GSE1: variants seen among roughly 807,000 people sequenced by gnomAD.
GSE1 encodes genetic suppressor element 1.
GSE1 carries 32 observed loss-of-function variants against 112.6 expected under a neutral mutation model. The ratio of observed to expected loss-of-function variants is 0.28; its 90% CI spans 0.21 to 0.38. GSE1 has a LOEUF of 0.38. Ranked by LOEUF, GSE1 falls within the 10% of genes least tolerant of loss-of-function variation. GSE1 has a pLI of 1.00. For missense variants in GSE1, 2,348 were observed against 1,699.2 expected, an observed-to-expected ratio of 1.38 and a Z score of -6.71; for synonymous variants, 1,115 against 735.6, an observed-to-expected ratio of 1.52 and a Z score of -8.35.
chr16:85,246,172 C>G (rs76895735), intron 1 of GSE1, among the ~76,000 whole-genome samples: 11,427 of 147,658 alleles, frequency 0.077, 599 homozygotes, highest in Non-Finnish European at 0.12. Context: ...GGAGGCCCTA[C>G]TGCAGGATGC....
At chr16:85,519,930 C>G (rs1048275428) in intron 2 of GSE1, among the ~76,000 whole-genome samples, 2 of 152,088 alleles carry the variant, frequency 1.3e-5, no homozygotes, top group Non-Finnish European at 2.9e-5. Context: ...CTCATGCCCT[C>G]TATACTTGGG....
At chr16:85,603,439 A>T (rs1024998526) in intron 1 of GSE1, among the ~76,000 whole-genome samples, 5 of 152,202 alleles carry the variant, frequency 3.3e-5, no homozygotes, top group Non-Finnish European at 7.3e-5. Context: ...GCTTCTCTGG[A>T]AACTACAGGC....
chr16:85,499,529 A>G (rs2051294892), intron 2 of GSE1, among the ~76,000 whole-genome samples: 1 of 151,558 alleles, frequency 6.6e-6, no homozygotes, highest in East Asian at 1.9e-4. Context: ...GATGGTCTCG[A>G]TCTCCTGGCC....
intron 1 of GSE1, among the ~76,000 whole-genome samples, chr16:85,626,631 G>A (rs932816608): frequency 1.3e-5 from 2 of 152,198 alleles, no homozygotes; most frequent in Non-Finnish European, 2.9e-5. Flanking sequence ...AGGGGGAAGG[G>A]GCGGATTGGT....
intron 2 of GSE1, among the ~76,000 whole-genome samples, chr16:85,527,114 C>T (rs2052388278): frequency 6.6e-6 from 1 of 152,216 alleles, no homozygotes; most frequent in Non-Finnish European, 1.5e-5. Context: ...CGCCCCACCT[C>T]CTCTGTCTTC....
intron 2 of GSE1, among the ~76,000 whole-genome samples, chr16:85,517,885 G>A (rs569981874): frequency 1.2e-4 from 18 of 152,352 alleles, no homozygotes; most frequent in Non-Finnish European, 2.5e-4. Context: ...GAAAGGCCTT[G>A]CGTGTGCCCC....
At chr16:85,580,753 C>G (rs1049648424) in intron 1 of GSE1, among the ~76,000 whole-genome samples, 10 of 152,218 alleles carry the variant, frequency 6.6e-5, no homozygotes, top group African/African-American at 1.9e-4. Context: ...GGCCCCTGCT[C>G]TGCTAGGATT....
chr16:85,348,313 C>T (rs1438799611), intron 1 of GSE1, among the ~76,000 whole-genome samples: 1 of 152,130 alleles, frequency 6.6e-6, no homozygotes, highest in African/African-American at 2.4e-5. Flanking sequence ...TCCATCCATC[C>T]ATCCATCCAT....
intron 1 of GSE1, among the ~76,000 whole-genome samples, chr16:85,199,158 T>C (rs1042107469): frequency 1.3e-5 from 2 of 152,158 alleles, no homozygotes; most frequent in Admixed American, 6.6e-5. Flanking sequence ...GGTTTCAGCA[T>C]GTTGGCCAGG....
intron 1 of GSE1, among the ~76,000 whole-genome samples, chr16:85,587,479 G>C (rs938286685): frequency 1.3e-5 from 2 of 152,196 alleles, no homozygotes; most frequent in East Asian, 3.9e-4. Context: ...AGGCTTCAGA[G>C]GGGGAGGGGG....
chr16:85,384,576 T>C lies in GSE1; in HGVS notation c.2464+26933T>C, dbSNP rs149814586. 3.3e-3 allele frequency among the ~76,000 whole-genome samples: 506 copies of C among 152,318 alleles called. 3 individuals carry two copies. Among genetic ancestry groups the C allele is most frequent in the African/African-American group, 0.012 (484 of 41,556 alleles). On this transcript the variant is annotated intron_variant, in intron 2 of 2. Coordinates refer to the GSE1 transcript ENST00000637419. Reference sequence around the variant, plus strand: ...TGAGGGAGGTTTCCTTTACTGTTCCTTGCCCCTGGGCCTCACTTTCCCTTC... The same window carrying C: ...TGAGGGAGGTTTCCTTTACTGTTCCCTGCCCCTGGGCCTCACTTTCCCTTC...
At chr16:85,397,687 G>T (rs2151661711) in intron 2 of GSE1, among the ~76,000 whole-genome samples, 1 of 152,354 alleles carries the variant, frequency 6.6e-6, no homozygotes, top group East Asian at 1.9e-4. Context: ...GCCCCCTCTG[G>T]AGGACGCGCG....
chr16:85,205,088 T>G (rs2075092272), intron 1 of GSE1, among the ~76,000 whole-genome samples: 1 of 152,148 alleles, frequency 6.6e-6, no homozygotes, highest in Non-Finnish European at 1.5e-5. Context: ...CCTGAAGAGG[T>G]GAATGCTGTC....
intron 2 of GSE1, among the ~76,000 whole-genome samples, chr16:85,409,239 A>AG (rs1199890253): frequency 1.4e-4 from 5 of 34,512 alleles, no homozygotes; most frequent in Admixed American, 2.5e-4. Flanking sequence ...TGTTACTCTC[A>AG]GGCCCCCCGG....
chr16:85,385,547 T>C (rs1347467682), intron 2 of GSE1, among the ~76,000 whole-genome samples: 2 of 152,132 alleles, frequency 1.3e-5, no homozygotes, highest in East Asian at 3.9e-4. Context: ...AGTTTGTGGC[T>C]GAGGTGGAAC....
chr16:85,589,428 G>A (rs184492307), intron 1 of GSE1, among the ~76,000 whole-genome samples: 113 of 152,296 alleles, frequency 7.4e-4, no homozygotes, highest in African/African-American at 2.6e-3. Flanking sequence ...TTGACACGGC[G>A]CGGGTGGAGC....
chr16:85,487,819 T>C (rs560484739), intron 2 of GSE1, among the ~76,000 whole-genome samples: 1 of 152,350 alleles, frequency 6.6e-6, no homozygotes, highest in Admixed American at 6.5e-5. Context: ...CTGTGTGACC[T>C]TGCACGGTTA....
At chr16:85,527,287 G>C (rs946710287) in intron 2 of GSE1, among the ~76,000 whole-genome samples, 6 of 152,262 alleles carry the variant, frequency 3.9e-5, no homozygotes, top group Admixed American at 3.3e-4. Flanking sequence ...GTTAAAGGGC[G>C]TCATGTGAGG....
At chr16:85,332,364 T>A (rs1441720232) in intron 1 of GSE1, among the ~76,000 whole-genome samples, 4 of 152,216 alleles carry the variant, frequency 2.6e-5, no homozygotes, top group Non-Finnish European at 5.9e-5. Context: ...ATACCGAGCA[T>A]GCACTGCAGG....
Sources: allele counts gnomAD v4.1 joint callset (sites outside exome capture counted in the v4.1 genomes callset), GRCh38; gene constraint gnomAD v4.1.1; transcripts MANE v1.5; gene names NCBI Gene and HGNC (gene_info 2026-07-23, HGNC 2026-07-21).